The following IKBIP variants were observed in gnomAD, a reference collection of about 807,000 sequenced individuals.
The protein encoded by IKBIP is IKBKB interacting protein.
IKBIP carries 28 observed loss-of-function variants against 31.0 expected under a neutral mutation model. The ratio of observed to expected loss-of-function variants is 0.90; its 90% CI spans 0.67 to 1.24. IKBIP has a LOEUF of 1.24. Among genes scored for constraint, IKBIP ranks in the 50% most tolerant of loss-of-function variants. IKBIP has a pLI of 0.00. For synonymous variants in IKBIP, 164 were observed against 160.3 expected, an observed-to-expected ratio of 1.02 and a Z score of -0.17; for missense variants, 453 against 441.9, an observed-to-expected ratio of 1.03 and a Z score of -0.23.
rs1592985744 is a variant in IKBIP, at chr12:98,614,383, G to A, written c.298-43C>T. ...ATCACAATGATTAAATGTATTAGAA[G>A]CTTACCATTTAAAATTCATCTTAAA... On this transcript the variant is annotated intron_variant, in intron 2 of 2. Coordinates refer to the IKBIP transcript ENST00000342502. 5.9e-6 allele frequency: 6 copies of A among 1,013,544 alleles called. No homozygotes were observed. The South Asian group carries it at 1.3e-4, about 23-fold the overall frequency. The allele number at this position is 1,013,544 out of a possible 1,614,324, so 62.8% of individuals were successfully genotyped here.
Position 98,626,022 on chromosome 12 carries a change from C to T in IKBIP, c.1042G>A (p.Val348Ile). 1.9e-6 allele frequency: 3 copies of T among 1,562,012 alleles called. No individual in the cohort carries two copies. Among genetic ancestry groups the T allele is most frequent in the South Asian group, 2.4e-5 (2 of 83,090 alleles). Reference protein sequence around the residue: ...QNELDILKEKVHDFIAYSSTG... With the variant: ...QNELDILKEKIHDFIAYSSTG... ...CTTGAGTATGCTATAAAATCATGAA[C>T]TTTTTCTTTTAGAATATCCAGTTCA... Residue 348 changes from valine (V) to isoleucine (I), a missense_variant, in exon 3 of 3, where the codon GTT becomes ATT. Val to Ile is a conservative substitution (Grantham distance 29). Transcript: ENST00000299157.
At chr12:98,615,728 A>ACAT (rs2097605925) in intron 2 of IKBIP, among the ~76,000 whole-genome samples, 1 of 152,044 alleles carries the variant, frequency 6.6e-6, no homozygotes, top group Non-Finnish European at 1.5e-5. Context: ...TCTAGATTCC[A>ACAT]CATATAATTG....
At chr12:98,644,094 T>C (rs1312131846) in intron 1 of IKBIP, among the ~76,000 whole-genome samples, 1 of 152,212 alleles carries the variant, frequency 6.6e-6, no homozygotes, top group East Asian at 1.9e-4. Flanking sequence ...TGATCTGTTT[T>C]AAGGTTGCAA....
In IKBIP at chr12:98,613,922, ATTCT is replaced by A. The variant is rs773816419; in HGVS notation, c.712_715del (p.Arg238LeufsTer8). On this transcript the variant is annotated frameshift_variant, in exon 3 of 3. Transcript: ENST00000342502. LOFTEE classifies it high-confidence loss of function. ...GGTTAGCGTCTTCTTAACAGAGTTA[ATTCT>A]TTGTGAATTTTCAGATGCTGTCTTT... 3 of 1,613,658 alleles carry A rather than the reference ATTCT, an allele frequency of 1.9e-6. No individual in the cohort carries two copies. The African/African-American group carries it at 4.0e-5, about 22-fold the overall frequency.
Position 98,625,206 on chromosome 12 carries a change from A to C in IKBIP, c.*724T>G. ...ATAAAGATATTTCAAAGATTTATATACACATAATTCCTAAGAAAGGCCTTA... is the reference window on the plus strand; with the variant it reads ...ATAAAGATATTTCAAAGATTTATATCCACATAATTCCTAAGAAAGGCCTTA... On this transcript the variant is annotated 3_prime_UTR_variant, in exon 3 of 3. Transcript: ENST00000299157. 1 of 980,562 alleles carries C rather than the reference A, an allele frequency of 1.0e-6. No individual in the cohort carries two copies. The highest frequency in any genetic ancestry group is 1.2e-6 in the Non-Finnish European group (1 of 825,398). The allele number at this position is 980,562 out of a possible 1,614,324, so 60.7% of individuals were successfully genotyped here.
intron 2 of IKBIP, among the ~76,000 whole-genome samples, chr12:98,627,531 C>T (rs890729394): frequency 7.3e-5 from 11 of 151,434 alleles, no homozygotes; most frequent in African/African-American, 1.7e-4. Flanking sequence ...CTCCGCCTCC[C>T]AGGTTCAAGC....
chr12:98,644,114 T>C (rs528307292), intron 1 of IKBIP, among the ~76,000 whole-genome samples: 1 of 152,262 alleles, frequency 6.6e-6, no homozygotes, highest in Non-Finnish European at 1.5e-5. Context: ...AGTATTTCCA[T>C]TAGGTATTTA....
rs529384490 is a variant in IKBIP, at chr12:98,614,110, T to C, written c.528A>G (p.Lys176=). The change falls in exon 3 of 3, where the codon AAA becomes AAG. Residue 176 remains lysine, a synonymous_variant. Transcript: ENST00000342502. ...AACCTGAAATCCGTCGTATATCTGTTTTTACACTTGTAATCTTGAGACCAA... is the reference window on the plus strand; with the variant it reads ...AACCTGAAATCCGTCGTATATCTGTCTTTACACTTGTAATCTTGAGACCAA... 38 of 1,613,358 alleles carry C rather than the reference T, an allele frequency of 2.4e-5. No individual in the cohort carries two copies. In the East Asian group the frequency reaches 6.2e-4, roughly 26 times the overall value.
chr12:98,644,532 C>A lies in IKBIP; in HGVS notation c.170G>T (p.Gly57Val), dbSNP rs765256155. 3.1e-6 allele frequency: 5 copies of A among 1,600,642 alleles called. No homozygotes were observed. The Admixed American group carries it at 5.1e-5, about 16-fold the overall frequency. Reference sequence around the variant, plus strand: ...CCTCGCGTCCACTTACCAGGCCAGGCCCAGGCACGTCCCCAGCGACAGCAG... The same window carrying A: ...CCTCGCGTCCACTTACCAGGCCAGGACCAGGCACGTCCCCAGCGACAGCAG... The part of the protein sequence containing the change: ...LSLLSLGTCL[G>V]LAWFVFQQSE... Residue 57 changes from glycine to valine, a missense_variant, in exon 1 of 3, where the codon GGC becomes GTC. Coordinates refer to ENST00000299157, the MANE Select transcript of IKBIP (RefSeq NM_153687.4).
chr12:98,631,119 A>ACACTATTCTAAGTACTT (rs2097619791), intron 2 of IKBIP, among the ~76,000 whole-genome samples: 1 of 151,764 alleles, frequency 6.6e-6, no homozygotes, highest in Non-Finnish European at 1.5e-5. Flanking sequence ...CTTTTAGTAG[A>ACACTATTCTAAGTACTT]GATGGGGTTT....
intron 2 of IKBIP, chr12:98,614,401 A>G: frequency 2.3e-6 from 2 of 881,076 alleles, no homozygotes; most frequent in Non-Finnish European, 3.2e-6. Context: ...TTTAAAATTC[A>G]TCTTAAATTT....
At chr12:98,634,659 C>T (rs1485353810) in intron 1 of IKBIP, among the ~76,000 whole-genome samples, 3 of 151,248 alleles carry the variant, frequency 2.0e-5, no homozygotes, top group Non-Finnish European at 4.4e-5. Context: ...TTCAACCTCC[C>T]AAATAGCTAG....
rs529888936 is a variant in IKBIP at position 98,638,946 on chromosome 12, C to T, written c.180-4533G>A. Among the ~76,000 whole-genome samples the T allele has an allele frequency of 3.3e-5, 5 of 152,246 alleles. No individual in the cohort carries two copies. The East Asian group carries it at 7.7e-4, about 23-fold the overall frequency. Reference sequence around the variant, plus strand: ...ATAAGTGTGAGCCACCATGCCTGGCCGAGTTATTGTAGACATTAGTTATTG... The same window carrying T: ...ATAAGTGTGAGCCACCATGCCTGGCTGAGTTATTGTAGACATTAGTTATTG... On this transcript the variant is annotated intron_variant, in intron 1 of 2. Transcript: ENST00000299157.
At chr12:98,623,038 G>C (rs965957538), downstream of IKBIP, among the ~76,000 whole-genome samples, 7 of 150,484 alleles carry the variant, frequency 4.7e-5, no homozygotes, top group Non-Finnish European at 8.8e-5. Context: ...GTAGTGCAAT[G>C]GCGTGATTTT....
At chr12:98,614,028 C>G in exon 3 of IKBIP, 1 of 1,609,692 alleles carries the variant, frequency 6.2e-7, no homozygotes, top group South Asian at 1.1e-5. Context: ...TCTACTTTCT[C>G]TATTTTATTT....
chr12:98,633,514 T>TTTTTG (rs2097622997), intron 2 of IKBIP, among the ~76,000 whole-genome samples: 1 of 131,354 alleles, frequency 7.6e-6, no homozygotes, highest in African/African-American at 2.9e-5. Context: ...TTAATTCTTT[T>TTTTTG]TTTTTTTTTT....
chr12:98,639,126 C>T (rs182498717), intron 1 of IKBIP, among the ~76,000 whole-genome samples: 170 of 150,400 alleles, frequency 1.1e-3, no homozygotes, highest in Middle Eastern at 3.4e-3. Context: ...CTGCAACTTC[C>T]GCCTCCTGGG....
At chr12:98,644,390 G>A (rs916724010) in intron 1 of IKBIP, 133 bp downstream of exon 1, 4 of 803,988 alleles carry the variant, frequency 5.0e-6, no homozygotes, top group Non-Finnish European at 7.5e-6. Context: ...CCTTCCTTTG[G>A]GGTCAAGACA....
At chr12:98,628,739 T>A (rs940110467) in intron 2 of IKBIP, among the ~76,000 whole-genome samples, 4 of 152,224 alleles carry the variant, frequency 2.6e-5, no homozygotes, top group Non-Finnish European at 5.9e-5. Flanking sequence ...AGACAGTGTT[T>A]AGATCTTCCA....
Sources: allele counts gnomAD v4.1 joint callset (sites outside exome capture counted in the v4.1 genomes callset), GRCh38; gene constraint gnomAD v4.1.1; transcripts MANE v1.5; gene names NCBI Gene and HGNC (gene_info 2026-07-23, HGNC 2026-07-21).